Variants in CSGALNACT1 observed in about 807,000 individuals in gnomAD.
The protein encoded by CSGALNACT1 is beta4GalNAcT-1.
Under a neutral mutation model 51.0 loss-of-function variants are expected in CSGALNACT1, and 52 were observed. That is an observed-to-expected ratio of 1.02 (90% CI 0.82 to 1.29). CSGALNACT1 has a LOEUF of 1.29. Among genes scored for constraint, CSGALNACT1 ranks in the 50% most tolerant of loss-of-function variants. The pLI is 0.00. For synonymous variants in CSGALNACT1, 341 were observed against 254.4 expected (o/e 1.34, Z -3.24); for missense variants, 935 against 679.2 (o/e 1.38, Z -4.19).
At chr8:19,469,168 T>A (rs891852556) in intron 4 of CSGALNACT1, among the ~76,000 whole-genome samples, 1 of 152,120 alleles carries the variant, frequency 6.6e-6, no homozygotes, top group African/African-American at 2.4e-5. Flanking sequence ...GGTGCAAGGA[T>A]CACTTGAGGC....
chr8:19,685,804 T>C (rs1018955247), upstream of CSGALNACT1, among the ~76,000 whole-genome samples: 4 of 152,164 alleles, frequency 2.6e-5, no homozygotes, highest in African/African-American at 9.7e-5. Context: ...AACTTTGACA[T>C]ACCAACGAGA....
At chr8:19,617,037 G>A (rs1480623671) in intron 1 of CSGALNACT1, among the ~76,000 whole-genome samples, 2 of 152,180 alleles carry the variant, frequency 1.3e-5, no homozygotes, top group East Asian at 3.8e-4. Context: ...GAATTATTGG[G>A]AGCCCTGAGC....
At chr8:19,510,579 G>A (rs1292623535) in intron 3 of CSGALNACT1, among the ~76,000 whole-genome samples, 1 of 152,122 alleles carries the variant, frequency 6.6e-6, no homozygotes, top group Non-Finnish European at 1.5e-5. Context: ...AGCTTGTAGA[G>A]GAACTAACGT....
intron 8 of CSGALNACT1, among the ~76,000 whole-genome samples, chr8:19,413,982 C>A (rs1008633114): frequency 6.6e-6 from 1 of 152,154 alleles, no homozygotes; most frequent in African/African-American, 2.4e-5. Flanking sequence ...TGAATCCCAA[C>A]AAGGGCTCAG....
At chr8:19,730,425 A>G (rs1022925481) in intron 1 of CSGALNACT1, among the ~76,000 whole-genome samples, 3 of 152,194 alleles carry the variant, frequency 2.0e-5, no homozygotes, top group African/African-American at 7.2e-5. Context: ...GTGACTAAAA[A>G]TGTTCTGTAT....
intron 2 of CSGALNACT1, among the ~76,000 whole-genome samples, chr8:19,594,096 C>T (rs900619050): frequency 5.3e-5 from 8 of 152,222 alleles, no homozygotes; most frequent in South Asian, 4.1e-4. Context: ...ACATATTTGA[C>T]GTCAGCAGTT....
intron 1 of CSGALNACT1, among the ~76,000 whole-genome samples, chr8:19,695,805 C>G (rs557388232): frequency 1.5e-4 from 23 of 152,276 alleles, no homozygotes; most frequent in Admixed American, 1.4e-3. Context: ...AAAGCTTTCT[C>G]CTTCAGCGCA....
chr8:19,644,605 G>C (rs544653739), intron 1 of CSGALNACT1, among the ~76,000 whole-genome samples: 38 of 149,822 alleles, frequency 2.5e-4, no homozygotes, highest in Non-Finnish European at 5.0e-4. Flanking sequence ...AGCTACTTGG[G>C]AGACTGAGAC....
chr8:19,430,010 G>C (rs529248714), intron 6 of CSGALNACT1, among the ~76,000 whole-genome samples: 1 of 152,304 alleles, frequency 6.6e-6, no homozygotes, highest in South Asian at 2.1e-4. Context: ...TTGGCCACTT[G>C]TGTATCATCT....
intron 3 of CSGALNACT1, among the ~76,000 whole-genome samples, chr8:19,576,071 T>C (rs1016582427): frequency 2.0e-5 from 3 of 152,154 alleles, no homozygotes; most frequent in African/African-American, 7.2e-5. Context: ...GGGTGCTGTC[T>C]GCTAGCCACA....
intron 1 of CSGALNACT1, among the ~76,000 whole-genome samples, chr8:19,667,209 T>G (rs2154195647): frequency 6.7e-6 from 1 of 149,772 alleles, no homozygotes; most frequent in East Asian, 2.0e-4. Context: ...TCGCTTGAGC[T>G]CTGGAGTTTG....
chr8:19,537,223 A>G (rs577226255), intron 3 of CSGALNACT1, among the ~76,000 whole-genome samples: 1 of 152,242 alleles, frequency 6.6e-6, no homozygotes, highest in African/African-American at 2.4e-5. Context: ...TTGAGGCTGT[A>G]ACTACACTCC....
At chr8:19,639,032 C>T (rs1427685391) in intron 1 of CSGALNACT1, among the ~76,000 whole-genome samples, 2 of 152,064 alleles carry the variant, frequency 1.3e-5, no homozygotes, top group Non-Finnish European at 2.9e-5. Context: ...ATCATGATCA[C>T]CTCTTCTCTA....
chr8:19,479,030 C>G (rs1563632457), intron 4 of CSGALNACT1, among the ~76,000 whole-genome samples: 1 of 152,188 alleles, frequency 6.6e-6, no homozygotes, highest in Non-Finnish European at 1.5e-5. Context: ...CCTATAGACA[C>G]AGAATGCAAA....
intron 4 of CSGALNACT1, among the ~76,000 whole-genome samples, chr8:19,503,301 T>C (rs372713031): frequency 6.6e-6 from 1 of 152,300 alleles, no homozygotes; most frequent in Non-Finnish European, 1.5e-5. Context: ...GTAGCTATAA[T>C]GTGTCTCTAA....
intron 1 of CSGALNACT1, among the ~76,000 whole-genome samples, chr8:19,716,612 CAAAAAAAAAA>C (rs60464594): frequency 8.1e-4 from 34 of 41,992 alleles, no homozygotes; most frequent in East Asian, 3.4e-3. Flanking sequence ...ACCCTCTCTA[CAAAAAAAAAA>C]AAAAAAAAAA....
chr8:19,540,880 G>A (rs1173408683), intron 3 of CSGALNACT1, among the ~76,000 whole-genome samples: 1 of 152,098 alleles, frequency 6.6e-6, no homozygotes, highest in African/African-American at 2.4e-5. Flanking sequence ...GATGACTCAT[G>A]TGAGTCTAGG....
intron 5 of CSGALNACT1, among the ~76,000 whole-genome samples, chr8:19,447,182 G>C (rs186283375): frequency 1.4e-4 from 21 of 152,270 alleles, no homozygotes; most frequent in African/African-American, 4.6e-4. Context: ...CAAAAGCCAG[G>C]TTTCCTAAGC....
intron 8 of CSGALNACT1, among the ~76,000 whole-genome samples, chr8:19,409,546 CAA>C (rs2055195259): frequency 6.6e-6 from 1 of 152,084 alleles, no homozygotes; most frequent in Non-Finnish European, 1.5e-5. Context: ...CACATATACA[CAA>C]ACACGTATTC....
Sources: gnomAD v4.1 joint callset for allele counts (sites outside exome capture counted in the v4.1 genomes callset) on GRCh38, gnomAD v4.1.1 for gene constraint, MANE v1.5 for transcripts, NCBI Gene and HGNC (gene_info 2026-07-23, HGNC 2026-07-21) for gene names.